Variants in FGF12 observed in about 807,000 individuals in gnomAD.
FGF12 encodes the protein fibroblast growth factor 12.
In FGF12, 14 loss-of-function variants were observed where a neutral mutation model predicts 23.6. That is an observed-to-expected ratio of 0.59 (90% CI 0.39 to 0.93). The LOEUF (loss-of-function observed/expected upper bound fraction) is 0.93, where lower values mean the gene tolerates loss of function less well. Ranked by LOEUF, FGF12 falls within the 40% of genes least tolerant of loss-of-function variation. The probability of loss-of-function intolerance (pLI) is 0.00; values close to 1 mark genes in which losing one functional copy is unlikely to be tolerated. For synonymous variants in FGF12, 62 were observed against 77.3 expected, an observed-to-expected ratio of 0.80 and a Z score of 1.04; for missense variants, 175 against 217.8, an observed-to-expected ratio of 0.80 and a Z score of 1.24.
chr3:192,664,396 A>G (rs1350219712), intron 2 of FGF12, among the ~76,000 whole-genome samples: 1 of 151,946 alleles, frequency 6.6e-6, no homozygotes, highest in Non-Finnish European at 1.5e-5. Context: ...TAGAGGTCTT[A>G]TCAGAGCACT....
At chr3:192,466,061 G>C (rs1323009536) in intron 2 of FGF12, among the ~76,000 whole-genome samples, 2 of 152,156 alleles carry the variant, frequency 1.3e-5, no homozygotes, top group African/African-American at 4.8e-5. Context: ...AACCTAGATG[G>C]TGCAGCCTCC....
At chr3:192,305,516 C>T (rs1035786098) in intron 4 of FGF12, among the ~76,000 whole-genome samples, 3 of 151,868 alleles carry the variant, frequency 2.0e-5, no homozygotes, top group African/African-American at 4.8e-5. Context: ...CTCAAACCAT[C>T]GCCGTCTCTC....
intron 2 of FGF12, among the ~76,000 whole-genome samples, chr3:192,651,304 G>A (rs9809169): frequency 0.57 from 86,697 of 151,938 alleles, 25,144 homozygotes; most frequent in East Asian, 0.67. Context: ...ACCTGGACAG[G>A]GGACTTCTTT....
At chr3:192,635,931 A>G (rs1715565003) in intron 2 of FGF12, among the ~76,000 whole-genome samples, 1 of 152,190 alleles carries the variant, frequency 6.6e-6, no homozygotes, top group Non-Finnish European at 1.5e-5. Context: ...GTATCAAAGT[A>G]CACAATATAT....
At chr3:192,213,792 G>T (rs937153665) in intron 4 of FGF12, among the ~76,000 whole-genome samples, 4 of 152,186 alleles carry the variant, frequency 2.6e-5, no homozygotes, top group Non-Finnish European at 4.4e-5. Flanking sequence ...CAGCCAAATT[G>T]TTCCTTATTT....
chr3:192,469,856 G>A (rs1723119768), intron 2 of FGF12, among the ~76,000 whole-genome samples: 1 of 152,170 alleles, frequency 6.6e-6, no homozygotes, highest in Non-Finnish European at 1.5e-5. Flanking sequence ...AGAGTCAGGA[G>A]ATCAATAATA....
chr3:192,631,624 T>C (rs776533572), intron 2 of FGF12, among the ~76,000 whole-genome samples: 1 of 152,172 alleles, frequency 6.6e-6, no homozygotes, highest in African/African-American at 2.4e-5. Flanking sequence ...AAAAATGGCA[T>C]GCCACTTCAC....
intron 2 of FGF12, among the ~76,000 whole-genome samples, chr3:192,545,399 T>C (rs1259243482): frequency 6.6e-6 from 1 of 152,216 alleles, no homozygotes; most frequent in Non-Finnish European, 1.5e-5. Flanking sequence ...TCTTCAGCTG[T>C]GAATAGTCAT....
At chr3:192,377,292 A>G (rs1719561802) in intron 2 of FGF12, among the ~76,000 whole-genome samples, 1 of 152,156 alleles carries the variant, frequency 6.6e-6, no homozygotes, top group South Asian at 2.1e-4. Context: ...CCTGATGCTC[A>G]CCTGTTGATG....
At chr3:192,703,037 C>T (rs998071217) in intron 2 of FGF12, among the ~76,000 whole-genome samples, 11 of 152,060 alleles carry the variant, frequency 7.2e-5, no homozygotes, top group Admixed American at 2.6e-4. Flanking sequence ...TTAAATAAAA[C>T]GGTACATAAG....
intron 2 of FGF12, among the ~76,000 whole-genome samples, chr3:192,425,479 G>T (rs1285397849): frequency 1.3e-5 from 2 of 152,172 alleles, no homozygotes; most frequent in Non-Finnish European, 2.9e-5. Context: ...TCAAGGTTAT[G>T]TCAGGCTGTG....
At chr3:192,168,085 G>T (rs1715330649) in intron 5 of FGF12, among the ~76,000 whole-genome samples, 1 of 151,678 alleles carries the variant, frequency 6.6e-6, no homozygotes, top group South Asian at 2.1e-4. Context: ...TTTAAGTGGG[G>T]TCATGAGGGT....
intron 2 of FGF12, among the ~76,000 whole-genome samples, chr3:192,565,259 G>A (rs1322618388): frequency 2.0e-5 from 3 of 152,214 alleles, no homozygotes; most frequent in Non-Finnish European, 4.4e-5. Context: ...ACTTAAAAGT[G>A]ATAGGTGAAG....
intron 4 of FGF12, among the ~76,000 whole-genome samples, chr3:192,322,082 A>C (rs1028838914): frequency 2.6e-5 from 4 of 152,078 alleles, no homozygotes; most frequent in African/African-American, 9.7e-5. Flanking sequence ...AGGACAAAAA[A>C]AAACACACAA....
At chr3:192,275,306 C>T (rs1407926548) in intron 4 of FGF12, among the ~76,000 whole-genome samples, 5 of 152,046 alleles carry the variant, frequency 3.3e-5, no homozygotes, top group East Asian at 1.9e-4. Flanking sequence ...TTAGGTACTA[C>T]GATAAGGAAG....
chr3:192,206,893 T>C (rs1181190111), intron 4 of FGF12, among the ~76,000 whole-genome samples: 1 of 152,150 alleles, frequency 6.6e-6, no homozygotes, highest in African/African-American at 2.4e-5. Flanking sequence ...TGAAGCTTCC[T>C]TCACACTGAC....
intron 2 of FGF12, among the ~76,000 whole-genome samples, chr3:192,587,365 C>T (rs368283476): frequency 6.6e-6 from 1 of 151,950 alleles, no homozygotes; most frequent in South Asian, 2.1e-4. Context: ...GGCTGTGGAG[C>T]GGGCACTCCT....
rs528031248 is a variant in FGF12, at chr3:192,325,586, T to A, written c.228+9775A>T. Among the ~76,000 whole-genome samples the A allele has an allele frequency of 5.9e-5, 9 of 152,252 alleles. No homozygotes were observed. The East Asian group carries it at 1.7e-3, about 29-fold the overall frequency. ...ATGCCTCAGATTTCAGAACTTTCCA[T>A]GAGAAAGTACGTTGATAAGGAAACT... On this transcript the variant is annotated intron_variant, in intron 4 of 5. Coordinates refer to ENST00000445105, the MANE Select transcript of FGF12 (RefSeq NM_004113.6).
intron 2 of FGF12, among the ~76,000 whole-genome samples, chr3:192,371,644 A>C (rs1323276092): frequency 6.6e-6 from 1 of 152,236 alleles, no homozygotes; most frequent in East Asian, 1.9e-4. Flanking sequence ...TCATTCACAG[A>C]AAGGAAATGC....
Sources: allele counts gnomAD v4.1 joint callset (sites outside exome capture counted in the v4.1 genomes callset), GRCh38; gene constraint gnomAD v4.1.1; transcripts MANE v1.5; gene names NCBI Gene and HGNC (gene_info 2026-07-23, HGNC 2026-07-21).